KLHL30: variants seen among roughly 807,000 people sequenced by gnomAD.
KLHL30 encodes the protein kelch-like protein 30.
KLHL30 carries 55 observed loss-of-function variants against 55.0 expected under a neutral mutation model. That is an observed-to-expected ratio of 1.00 (90% confidence interval 0.80 to 1.25). KLHL30 has a LOEUF of 1.25. Ranked by LOEUF, KLHL30 falls within the 50% of genes most tolerant of loss-of-function variation. KLHL30 has a pLI of 0.00. For synonymous variants in KLHL30, 356 were observed against 372.6 expected, an observed-to-expected ratio of 0.96 and a Z score of 0.51; for missense variants, 786 against 811.6, an observed-to-expected ratio of 0.97 and a Z score of 0.38.
rs545968644 is a variant in KLHL30, at chr2:238,147,457, G to T, written c.1151-377G>T. Among the ~76,000 whole-genome samples the T allele has an allele frequency of 6.6e-6, 1 of 152,214 alleles. No homozygotes were observed. The highest frequency in any genetic ancestry group is 2.1e-4 in the South Asian group (1 of 4,830). ...GAGCTGCCTACAGCTCCAGGGTCTCGCAACCCGCCCTCCCAGGGCTGGCAT... is the reference window on the plus strand; with the variant it reads ...GAGCTGCCTACAGCTCCAGGGTCTCTCAACCCGCCCTCCCAGGGCTGGCAT... On this transcript the variant is annotated intron_variant, in intron 5 of 7. Transcript: ENST00000409223. The surrounding 1 kb of genome is among the most constrained non-coding windows in gnomAD (Gnocchi z 5.8).
chr2:238,144,424 A>AGGCAGGCAGGCAGGCAAGC (rs1559275987), intron 3 of KLHL30, among the ~76,000 whole-genome samples: 1 of 82,660 alleles, frequency 1.2e-5, no homozygotes, highest in African/African-American at 4.5e-5. Context: ...GGAAGGAAGG[A>AGGCAGGCAGGCAGGCAAGC]AGGAAGGAAG....
At chr2:238,142,037 G>C (rs951748828) in intron 2 of KLHL30, among the ~76,000 whole-genome samples, 3 of 152,232 alleles carry the variant, frequency 2.0e-5, no homozygotes, top group African/African-American at 7.2e-5. Flanking sequence ...GTCCGCCTGA[G>C]CTTTTATGGG....
intron 6 of KLHL30, 53 bp downstream of exon 6, chr2:238,148,075 CGACA>C: frequency 7.6e-7 from 1 of 1,321,164 alleles, no homozygotes; most frequent in East Asian, 3.1e-5. Flanking sequence ...CTCTGACAGG[CGACA>C]GTCCGCTCGT....
rs1692595883 is a variant in KLHL30 at position 238,144,388 on chromosome 2, A to AGGC, written c.908-514_908-513insGGC. Among the ~76,000 whole-genome samples, 3 of 70,272 alleles carry AGGC rather than the reference A, an allele frequency of 4.3e-5. 1 individual carries two copies. Among genetic ancestry groups the AGGC allele is most frequent in the African/African-American group, 1.6e-4 (3 of 18,316 alleles). 46.1% of individuals were successfully genotyped at this position (70,272 alleles called of 152,430 possible). ...GGTGCTCGGAAGGAAGGAAGGAAGGAAGGAAGGAAGGAAGGAAGGAAGGAA... is the reference window on the plus strand; with the variant it reads ...GGTGCTCGGAAGGAAGGAAGGAAGGAGGCAGGAAGGAAGGAAGGAAGGAAGGAA... On this transcript the variant is annotated intron_variant, in intron 3 of 7. Coordinates refer to ENST00000409223, the MANE Select transcript of KLHL30 (RefSeq NM_198582.4).
Position 238,146,710 on chromosome 2 carries a change from A to G in KLHL30, c.1150+878A>G, listed in dbSNP as rs546612137. 2.0e-3 allele frequency among the ~76,000 whole-genome samples: 295 copies of G among 150,876 alleles called. 1 individual carries two copies. The highest frequency in any genetic ancestry group is 6.8e-3 in the African/African-American group (280 of 41,132). On this transcript the variant is annotated intron_variant, in intron 5 of 7. Transcript: ENST00000409223. ...GAGGGAGCCGCTGCCCCCAGCCCATAAAAAAATAAAAAATAAAAAAAAATA... is the reference window on the plus strand; with the variant it reads ...GAGGGAGCCGCTGCCCCCAGCCCATGAAAAAATAAAAAATAAAAAAAAATA...
intron 5 of KLHL30, among the ~76,000 whole-genome samples, chr2:238,146,143 C>G (rs1456280621): frequency 6.6e-6 from 1 of 152,068 alleles, no homozygotes; most frequent in Non-Finnish European, 1.5e-5. Context: ...CCAGTGGGGA[C>G]GGCCACACCC....
chr2:238,150,733 T>A, intron 7 of KLHL30, 81 bp from the exon 8 acceptor site: 3 of 1,469,642 alleles, frequency 2.0e-6, no homozygotes, highest in Non-Finnish European at 2.7e-6. Context: ...TCTCTGCCAC[T>A]CCCCCGACCC....
chr2:238,148,885 C>A, intron 6 of KLHL30, 122 bp from the exon 7 acceptor site: 2 of 989,782 alleles, frequency 2.0e-6, no homozygotes, highest in Non-Finnish European at 3.0e-6. Flanking sequence ...ACTCCCATTT[C>A]ACAGACAGGT....
chr2:238,148,222 G>A lies in KLHL30; in HGVS notation c.1339+200G>A, dbSNP rs568841759. ...GCCTAAGAGGTCAGGGACCCACTGC[G>A]TCAGCTCCGCAGAGTCCCAGCACAG... is the stretch of plus-strand genomic sequence containing the variant. On this transcript the variant is annotated intron_variant, in intron 6 of 7. Transcript: ENST00000409223. Among the ~76,000 whole-genome samples the A allele has an allele frequency of 6.6e-5, 10 of 152,166 alleles. No homozygotes were observed. In the South Asian group the frequency reaches 1.7e-3, roughly 25 times the overall value.
chr2:238,144,613 G>T (rs1692615153), intron 3 of KLHL30, among the ~76,000 whole-genome samples: 1 of 152,062 alleles, frequency 6.6e-6, no homozygotes, highest in Non-Finnish European at 1.5e-5. Flanking sequence ...CAACTGCAGG[G>T]TCAAGGTGAG....
chr2:238,139,562 G>A (rs915127437), intron 1 of KLHL30, among the ~76,000 whole-genome samples: 3 of 152,204 alleles, frequency 2.0e-5, no homozygotes, highest in East Asian at 1.9e-4. Context: ...AGGTGGCACC[G>A]GGGTCGGGAA....
intron 2 of KLHL30, among the ~76,000 whole-genome samples, chr2:238,142,529 C>A (rs1295826138): frequency 6.6e-6 from 1 of 152,160 alleles, no homozygotes; most frequent in East Asian, 1.9e-4. Context: ...CTGCTGGAGG[C>A]CACCCAGGGA....
At position 238,140,909 on chromosome 2, in the gene KLHL30, C is replaced by T. The variant is rs757083253; in HGVS notation, c.155C>T (p.Ala52Val). Reference sequence around the variant, plus strand: ...CTGCCATGCCACCGCGGCCTCCTGGCGCTCAGCAGCCCCTACTTCCATGCC... The same window carrying T: ...CTGCCATGCCACCGCGGCCTCCTGGTGCTCAGCAGCCCCTACTTCCATGCC... ...RELPCHRGLL[A>V]LSSPYFHAMF... The change falls in exon 2 of 8, where the codon GCG (alanine) becomes GTG (valine). Residue 52 changes from alanine (A) to valine (V), a missense_variant. Physicochemically the swap from Ala to Val is moderately conservative, Grantham distance 64. Coordinates refer to ENST00000409223, the MANE Select transcript of KLHL30 (RefSeq NM_198582.4). 1.2e-5 allele frequency: 19 copies of T among 1,610,840 alleles called. 1 individual carries two copies. Among genetic ancestry groups the T allele is most frequent in the South Asian group, 4.4e-5 (4 of 90,980 alleles).
In KLHL30 at chr2:238,152,092, C is replaced by T. The variant is rs1408239902; in HGVS notation, c.*1027C>T. ...GGCGTGTCCCTCCTGTCACAGGCTC[C>T]GCCCTGGGACATGGGGCTAGAAGTC... On this transcript the variant is annotated 3_prime_UTR_variant, in exon 8 of 8. Transcript: ENST00000409223. 33 of 985,390 alleles carry T rather than the reference C, an allele frequency of 3.3e-5. No homozygotes were observed. The highest frequency in any genetic ancestry group is 4.7e-5 in the South Asian group (1 of 21,298). 61.0% of individuals were successfully genotyped at this position (985,390 alleles called of 1,614,324 possible). A position where few individuals can be genotyped will look rare whatever the true frequency, so the allele number is the denominator to read the frequency against.
chr2:238,146,012 C>T (rs557987050), intron 5 of KLHL30, among the ~76,000 whole-genome samples, 180 bp downstream of exon 5: 6 of 152,248 alleles, frequency 3.9e-5, no homozygotes, highest in Non-Finnish European at 7.4e-5. Flanking sequence ...CCTGACCAGG[C>T]GGGCCATCAA....
rs1692515151 is a variant in KLHL30, at chr2:238,140,731, C to T, written c.-24C>T. 6.8e-7 allele frequency: 1 copy of T among 1,478,812 alleles called. No homozygotes were observed. Among genetic ancestry groups the T allele is most frequent in the Non-Finnish European group, 9.0e-7 (1 of 1,106,994 alleles). 91.6% of individuals were successfully genotyped at this position (1,478,812 alleles called of 1,614,324 possible). ...CTTCTTCCCTTGAGTGGGTGGACTA[C>T]TGAGGTCCCCTGGGCACGGCGTCAT... On this transcript the variant is annotated 5_prime_UTR_variant, in exon 2 of 8. Coordinates refer to ENST00000409223, the MANE Select transcript of KLHL30 (RefSeq NM_198582.4).
intron 1 of KLHL30, among the ~76,000 whole-genome samples, 195 bp from the exon 2 acceptor site, chr2:238,140,490 T>G (rs546067768): frequency 6.6e-6 from 1 of 152,086 alleles, no homozygotes; most frequent in African/African-American, 2.4e-5. Context: ...TCACTGCAAA[T>G]GGGAATGACA....
At chr2:238,149,705 G>A (rs376288554) in intron 7 of KLHL30, among the ~76,000 whole-genome samples, 6 of 152,288 alleles carry the variant, frequency 3.9e-5, no homozygotes, top group African/African-American at 1.4e-4. Context: ...TTGGGGAGGG[G>A]GTTCCTGAGC....
chr2:238,142,947 G>A lies in KLHL30; in HGVS notation c.907+16G>A, dbSNP rs759172865. 25 of 1,504,314 alleles carry A rather than the reference G, an allele frequency of 1.7e-5. No homozygotes were observed. The highest frequency in any genetic ancestry group is 8.1e-5 in the East Asian group (3 of 36,964). 93.2% of individuals were successfully genotyped at this position (1,504,314 alleles called of 1,614,324 possible). A position where few individuals can be genotyped will look rare whatever the true frequency, so the allele number is the denominator to read the frequency against. ...AGCAAGGCCAGTGAGTACCCCTCCC[G>A]CGTCCAGACCCACCTGCTGTCTCTC... On this transcript the variant is annotated intron_variant, in intron 3 of 7. Coordinates refer to ENST00000409223, the MANE Select transcript of KLHL30 (RefSeq NM_198582.4).
Sources: allele counts gnomAD v4.1 joint callset (sites outside exome capture counted in the v4.1 genomes callset), GRCh38; gene constraint gnomAD v4.1.1; non-coding constraint Gnocchi (gnomAD v3.1); transcripts MANE v1.5; gene names NCBI Gene and HGNC (gene_info 2026-07-23, HGNC 2026-07-21).